The following ELAVL4 variants were observed in gnomAD, a reference collection of about 807,000 sequenced individuals.
The protein encoded by ELAVL4 is ELAV like RNA binding protein 4.
ELAVL4 carries 1 observed loss-of-function variant against 35.6 expected under a neutral mutation model. The ratio of observed to expected loss-of-function variants is 0.03; its 90% confidence interval spans 0.01 to 0.13. The LOEUF (loss-of-function observed/expected upper bound fraction) is 0.13. Among genes scored for constraint, ELAVL4 ranks in the 10% least tolerant of loss-of-function variants. The pLI, the probability that ELAVL4 is intolerant of heterozygous loss-of-function variation, is 1.00. For missense variants in ELAVL4, 267 were observed against 464.9 expected, an observed-to-expected ratio of 0.57 and a Z score of 3.91; for synonymous variants, 156 against 171.0, an observed-to-expected ratio of 0.91 and a Z score of 0.69.
rs952778146 is a variant in ELAVL4 at position 50,136,210 on chromosome 1, C to CA, written c.10-8738dup. On this transcript the variant is annotated intron_variant, in intron 1 of 6. Coordinates refer to ENST00000371824, the MANE Select transcript of ELAVL4 (RefSeq NM_001144774.3). ...GCAAGAAGAGAAGTGAGGAATTTTA[C>CA]AAAAAAAAATAATGTCTGTCTTCAG... Among the ~76,000 whole-genome samples the CA allele has an allele frequency of 2.0e-4, 30 of 150,296 alleles. 1 individual carries two copies. The highest frequency in any genetic ancestry group is 3.3e-4 in the Non-Finnish European group (22 of 67,480).
chr1:50,175,030 G>A (rs1679744386), intron 2 of ELAVL4, among the ~76,000 whole-genome samples: 1 of 152,124 alleles, frequency 6.6e-6, no homozygotes, highest in Admixed American at 6.5e-5. Flanking sequence ...CATCTGACCA[G>A]TTTCCTAGAA....
upstream of ELAVL4, among the ~76,000 whole-genome samples, chr1:50,108,032 C>T (rs1049940859): frequency 5.9e-5 from 9 of 152,150 alleles, no homozygotes; most frequent in South Asian, 2.1e-4. Context: ...TGAAATGAGG[C>T]TGTTGTCAAA....
chr1:50,137,233 A>G (rs1672033721), intron 1 of ELAVL4, among the ~76,000 whole-genome samples: 1 of 152,136 alleles, frequency 6.6e-6, no homozygotes. Context: ...TAGGACAAGG[A>G]CACAATATGG....
intron 1 of ELAVL4, among the ~76,000 whole-genome samples, chr1:50,113,986 A>G (rs1187036121): frequency 6.6e-6 from 1 of 152,074 alleles, no homozygotes; most frequent in Non-Finnish European, 1.5e-5. Context: ...TCCCATAAGA[A>G]CTGGTTTCTC....
intron 1 of ELAVL4, among the ~76,000 whole-genome samples, chr1:50,097,523 T>A (rs1311429306): frequency 6.6e-6 from 1 of 152,192 alleles, no homozygotes; most frequent in African/African-American, 2.4e-5. Context: ...AGAGGAGAAG[T>A]GGTTTGCCTG....
intron 1 of ELAVL4, among the ~76,000 whole-genome samples, chr1:50,084,299 C>T (rs2148499153): frequency 6.6e-6 from 1 of 152,142 alleles, no homozygotes; most frequent in South Asian, 2.1e-4. Flanking sequence ...TGACATAATT[C>T]TAATTTTATA....
At chr1:50,139,496 C>T (rs1300627553) in intron 1 of ELAVL4, among the ~76,000 whole-genome samples, 1 of 152,170 alleles carries the variant, frequency 6.6e-6, no homozygotes, top group Non-Finnish European at 1.5e-5. Context: ...CAAGAAGGGT[C>T]TGCTCTTTGT....
upstream of ELAVL4, among the ~76,000 whole-genome samples, chr1:50,106,774 G>C (rs1666357222): frequency 1.3e-5 from 2 of 152,122 alleles, no homozygotes. Flanking sequence ...GAGGTTTGTG[G>C]AAAAGTGATC....
At chr1:50,139,324 AG>A (rs1169915022) in intron 1 of ELAVL4, among the ~76,000 whole-genome samples, 1 of 152,328 alleles carries the variant, frequency 6.6e-6, no homozygotes, top group Admixed American at 6.5e-5. Flanking sequence ...TGGACCTCAC[AG>A]TTCAGGTCAT....
chr1:50,200,695 T>C (rs940999593), intron 6 of ELAVL4, 156 bp from the exon 7 acceptor site: 7 of 1,413,564 alleles, frequency 5.0e-6, no homozygotes, highest in Non-Finnish European at 6.7e-6. Context: ...GGAAATGACA[T>C]AGACATTAGT....
intron 3 of ELAVL4, among the ~76,000 whole-genome samples, chr1:50,184,398 CA>C (rs33990892): frequency 1.7e-3 from 243 of 141,796 alleles, no homozygotes; most frequent in African/African-American, 4.7e-3. Context: ...TGAGCTGCTT[CA>C]AAAAAAAAAA....
chr1:50,076,465 G>T (rs1664770782), intron 1 of ELAVL4, among the ~76,000 whole-genome samples: 1 of 151,734 alleles, frequency 6.6e-6, no homozygotes, highest in South Asian at 2.1e-4. Context: ...GTTATCATAG[G>T]TATGTATGTA....
upstream of ELAVL4, among the ~76,000 whole-genome samples, chr1:50,104,387 G>A (rs541375652): frequency 5.0e-4 from 76 of 152,250 alleles, 1 homozygote; most frequent in African/African-American, 1.7e-3. Context: ...GTACAAATTA[G>A]CTTATTTCAT....
At chr1:50,112,957 GA>G (rs1255872938) in intron 1 of ELAVL4, among the ~76,000 whole-genome samples, 1 of 152,122 alleles carries the variant, frequency 6.6e-6, no homozygotes, top group Non-Finnish European at 1.5e-5. Context: ...GAGAGAGAGA[GA>G]AAGAAAATGA....
chr1:50,146,397 T>C (rs1295792405), intron 2 of ELAVL4, among the ~76,000 whole-genome samples: 1 of 152,148 alleles, frequency 6.6e-6, no homozygotes, highest in Non-Finnish European at 1.5e-5. Context: ...TTTTCTTATT[T>C]GAAAAACTGG....
intron 4 of ELAVL4, among the ~76,000 whole-genome samples, chr1:50,194,598 C>T (rs1377961198): frequency 1.3e-5 from 2 of 152,208 alleles, no homozygotes; most frequent in Non-Finnish European, 2.9e-5. Context: ...GACAAACCTT[C>T]ACAGAAGTCT....
At chr1:50,056,621 A>G (rs1320254013) in intron 1 of ELAVL4, among the ~76,000 whole-genome samples, 1 of 152,174 alleles carries the variant, frequency 6.6e-6, no homozygotes, top group East Asian at 1.9e-4. Context: ...CATTTACTAT[A>G]CTATATTTTT....
At chr1:50,103,782 T>A (rs1196068862), upstream of ELAVL4, 99 of 779,980 alleles carry the variant, frequency 1.3e-4, no homozygotes, top group East Asian at 2.7e-3. Flanking sequence ...GAGTGTCTGT[T>A]CACTCTACCT....
upstream of ELAVL4, among the ~76,000 whole-genome samples, chr1:50,099,431 A>T (rs1665862022): frequency 6.6e-6 from 1 of 152,000 alleles, no homozygotes; most frequent in African/African-American, 2.4e-5. Flanking sequence ...ATGGTGGCGC[A>T]TGCCTGTAAT....
Sources: allele counts gnomAD v4.1 joint callset (sites outside exome capture counted in the v4.1 genomes callset), GRCh38; gene constraint gnomAD v4.1.1; transcripts MANE v1.5; gene names NCBI Gene and HGNC (gene_info 2026-07-23, HGNC 2026-07-21).